The following FAM135B variants were observed in gnomAD, a reference collection of about 807,000 sequenced individuals.
FAM135B encodes protein FAM135B.
FAM135B carries 43 observed loss-of-function variants against 127.7 expected under a neutral mutation model. The ratio of observed to expected loss-of-function variants is 0.34; its 90% confidence interval spans 0.26 to 0.43. The LOEUF (loss-of-function observed/expected upper bound fraction) is 0.43. Among genes scored for constraint, FAM135B ranks in the 20% least tolerant of loss-of-function variants. The pLI is 1.00. For missense variants in FAM135B, 1,558 were observed against 1,725.6 expected (o/e 0.90, Z 1.72); for synonymous variants, 670 against 665.1 (o/e 1.01, Z -0.11).
chr8:138,205,953 C>T (rs1249322189), intron 7 of FAM135B, among the ~76,000 whole-genome samples: 1 of 150,256 alleles, frequency 6.7e-6, no homozygotes, highest in Non-Finnish European at 1.5e-5. Context: ...CCTCCCCGTT[C>T]ACACAGCTCC....
intron 11 of FAM135B, among the ~76,000 whole-genome samples, chr8:138,176,450 A>G (rs1046698187): frequency 9.9e-5 from 15 of 152,240 alleles, no homozygotes; most frequent in Admixed American, 6.5e-5. Flanking sequence ...AAAAGAATTA[A>G]TGAGTGAGTG....
At chr8:138,290,144 C>G (rs1824995880) in intron 3 of FAM135B, among the ~76,000 whole-genome samples, 1 of 152,154 alleles carries the variant, frequency 6.6e-6, no homozygotes, top group Non-Finnish European at 1.5e-5. Flanking sequence ...CCGAGTCCCC[C>G]TTATGAGCTG....
chr8:138,195,345 C>T (rs2131114550), intron 8 of FAM135B, 38 bp from the exon 9 acceptor site: 2 of 1,592,878 alleles, frequency 1.3e-6, no homozygotes, highest in Non-Finnish European at 1.7e-6. Context: ...TAAATGAACC[C>T]ACACTGAAAT....
chr8:138,446,077 C>T (rs1489832996), intron 1 of FAM135B, among the ~76,000 whole-genome samples: 3 of 152,172 alleles, frequency 2.0e-5, no homozygotes, highest in South Asian at 2.1e-4. Context: ...GAATAAAATA[C>T]CTAGGAATCC....
intron 1 of FAM135B, among the ~76,000 whole-genome samples, chr8:138,449,337 G>A (rs370323395): frequency 6.6e-6 from 1 of 152,254 alleles, no homozygotes; most frequent in South Asian, 2.1e-4. Flanking sequence ...GATTACAGCT[G>A]AGATCCAAGG....
intron 7 of FAM135B, among the ~76,000 whole-genome samples, chr8:138,240,394 C>A (rs1292197359): frequency 6.6e-6 from 1 of 152,196 alleles, no homozygotes; most frequent in Non-Finnish European, 1.5e-5. Flanking sequence ...CTGAGCTGGG[C>A]ACACACACGT....
chr8:138,458,151 CAAAT>C (rs1836910316), intron 1 of FAM135B, among the ~76,000 whole-genome samples: 1 of 152,040 alleles, frequency 6.6e-6, no homozygotes, highest in African/African-American at 2.4e-5. Context: ...GACTCCATCT[CAAAT>C]AAATAAATAA....
At chr8:138,390,451 C>G (rs187841725) in intron 1 of FAM135B, among the ~76,000 whole-genome samples, 235 of 152,146 alleles carry the variant, frequency 1.5e-3, no homozygotes, top group African/African-American at 4.9e-3. Context: ...GGCCTCCCCA[C>G]CCACATGGAA....
chr8:138,228,711 A>C (rs1563795277), intron 7 of FAM135B, among the ~76,000 whole-genome samples: 5 of 152,098 alleles, frequency 3.3e-5, no homozygotes, highest in Admixed American at 6.5e-5. Context: ...CTTAAACCTC[A>C]AGCAGTATCA....
chr8:138,481,951 C>A (rs969208763), intron 1 of FAM135B, among the ~76,000 whole-genome samples: 2 of 152,200 alleles, frequency 1.3e-5, no homozygotes, highest in African/African-American at 4.8e-5. Context: ...ATAAATAAGT[C>A]AATGGCCTCC....
chr8:138,338,951 T>G (rs1828826763), intron 2 of FAM135B, among the ~76,000 whole-genome samples: 1 of 151,986 alleles, frequency 6.6e-6, no homozygotes, highest in Admixed American at 6.6e-5. Context: ...TGAGTTCATG[T>G]CCTTTGTAGG....
intron 15 of FAM135B, among the ~76,000 whole-genome samples, chr8:138,143,869 G>T (rs1295922749): frequency 1.3e-5 from 2 of 152,222 alleles, no homozygotes; most frequent in Non-Finnish European, 2.9e-5. Flanking sequence ...TGTCTATCCT[G>T]TGAAGAAAGG....
At chr8:138,281,308 TA>T (rs995689303) in intron 3 of FAM135B, among the ~76,000 whole-genome samples, 1 of 152,044 alleles carries the variant, frequency 6.6e-6, no homozygotes, top group African/African-American at 2.4e-5. Flanking sequence ...AGAAATAAAA[TA>T]TACACAGAAG....
intron 9 of FAM135B, among the ~76,000 whole-genome samples, chr8:138,179,709 T>C (rs1814826870): frequency 6.6e-6 from 1 of 152,194 alleles, no homozygotes; most frequent in African/African-American, 2.4e-5. Context: ...TGTTTTTCTT[T>C]TAGTGACAGG....
rs751982969 is a variant in FAM135B, at chr8:138,256,768, G to T, written c.298-9C>A. On this transcript the variant is annotated splice_polypyrimidine_tract_variant and intron_variant, in intron 4 of 19. Coordinates refer to ENST00000395297, the MANE Select transcript of FAM135B (RefSeq NM_015912.4). ...CTCAGTGCGTCTTCCATCTGCAAAA[G>T]AAACAAAGTCCAAGGGATTTCAGGA... 3.7e-6 allele frequency: 6 copies of T among 1,612,150 alleles called. No individual in the cohort carries two copies. The highest frequency in any genetic ancestry group is 5.1e-6 in the Non-Finnish European group (6 of 1,178,540).
intron 9 of FAM135B, among the ~76,000 whole-genome samples, chr8:138,184,438 G>T (rs1050357728): frequency 6.6e-6 from 1 of 152,170 alleles, no homozygotes; most frequent in African/African-American, 2.4e-5. Context: ...GATGTGCGAC[G>T]CAAAAGATGA....
chr8:138,320,554 T>C (rs1188129249), intron 2 of FAM135B, among the ~76,000 whole-genome samples: 1 of 152,212 alleles, frequency 6.6e-6, no homozygotes, highest in Non-Finnish European at 1.5e-5. Flanking sequence ...AAAAGCACCT[T>C]GAGAACAAGA....
At chr8:138,266,092 T>C (rs1354640390) in intron 3 of FAM135B, among the ~76,000 whole-genome samples, 1 of 152,198 alleles carries the variant, frequency 6.6e-6, no homozygotes, top group Non-Finnish European at 1.5e-5. Context: ...ACTCATGCCG[T>C]GGGCAATGCT....
chr8:138,220,237 T>C (rs563197182), intron 7 of FAM135B, among the ~76,000 whole-genome samples: 1 of 152,262 alleles, frequency 6.6e-6, no homozygotes, highest in East Asian at 1.9e-4. Context: ...ATTCTCTTGA[T>C]TGGGTCACCT....
Sources: allele counts gnomAD v4.1 joint callset (sites outside exome capture counted in the v4.1 genomes callset), GRCh38; gene constraint gnomAD v4.1.1; transcripts MANE v1.5; gene names NCBI Gene and HGNC (gene_info 2026-07-23, HGNC 2026-07-21).